CCZ1: variants seen among roughly 807,000 people sequenced by gnomAD.
CCZ1 encodes vacuolar fusion protein CCZ1 homolog.
A neutral mutation model predicts 57.8 loss-of-function variants in CCZ1; 19 were observed. The observed-to-expected ratio is 0.33, with a 90% CI of 0.23 to 0.48. The LOEUF (loss-of-function observed/expected upper bound fraction) is 0.48. CCZ1 is among the 20% of genes least tolerant of loss of function. The pLI, the probability that CCZ1 is intolerant of heterozygous loss-of-function variation, is 0.99. For missense variants in CCZ1, 200 were observed against 492.0 expected, an observed-to-expected ratio of 0.41 and a Z score of 5.61; for synonymous variants, 81 against 167.0, an observed-to-expected ratio of 0.49 and a Z score of 3.97.
chr7:5,921,078 A>G, intron 12 of CCZ1, among the ~76,000 whole-genome samples: 1 of 96,868 alleles, frequency 1.0e-5, no homozygotes, highest in Admixed American at 9.8e-5. Context: ...CAGCCTCCTG[A>G]GTAGCTGGGT....
At chr7:5,903,000 C>T (rs1176677669) in intron 6 of CCZ1, among the ~76,000 whole-genome samples, 1 of 148,222 alleles carries the variant, frequency 6.7e-6, no homozygotes, top group Non-Finnish European at 1.5e-5. Context: ...CTGGAGACAT[C>T]GTTTGGCCTC....
At chr7:5,921,237 A>G (rs945530493) in intron 12 of CCZ1, among the ~76,000 whole-genome samples, 4 of 130,998 alleles carry the variant, frequency 3.1e-5, no homozygotes, top group Admixed American at 1.5e-4. Context: ...CCCATATGTT[A>G]TTTCTGCATG....
At chr7:5,916,505 GTTTTTTTT>G (rs113216947) in intron 10 of CCZ1, among the ~76,000 whole-genome samples, 15 of 43,358 alleles carry the variant, frequency 3.5e-4, no homozygotes, top group African/African-American at 6.7e-4. Context: ...TTTGTTTTTT[GTTTTTTTT>G]TTTTTTGGTT....
chr7:5,913,370 G>A (rs1335788924), intron 10 of CCZ1, among the ~76,000 whole-genome samples: 9 of 123,590 alleles, frequency 7.3e-5, no homozygotes, highest in Admixed American at 2.5e-4. Context: ...GTCAGGACAT[G>A]GTCTTGTAAG....
At chr7:5,909,054 T>C (rs1160180889) in intron 7 of CCZ1, among the ~76,000 whole-genome samples, 3 of 144,692 alleles carry the variant, frequency 2.1e-5, no homozygotes, top group East Asian at 4.6e-4. Context: ...GCTTTGGAGG[T>C]TTCCTGCATA....
chr7:5,918,575 G>A (rs1779181636), intron 10 of CCZ1: 1 of 407,524 alleles, frequency 2.5e-6, no homozygotes, highest in Admixed American at 3.8e-5. Flanking sequence ...ATGTTGTGTT[G>A]TCGGGTTTGC....
chr7:5,920,655 A>G (rs1779221948), intron 12 of CCZ1, among the ~76,000 whole-genome samples: 1 of 141,246 alleles, frequency 7.1e-6, no homozygotes, highest in African/African-American at 2.6e-5. Flanking sequence ...TATTTTTAGT[A>G]GAGACGGGGT....
chr7:5,914,831 A>ATG (rs1779117736), intron 10 of CCZ1, among the ~76,000 whole-genome samples: 5 of 142,786 alleles, frequency 3.5e-5, no homozygotes, highest in Admixed American at 2.8e-4. Context: ...AGCTGAGCTT[A>ATG]CGCCACTGTG....
intron 10 of CCZ1, among the ~76,000 whole-genome samples, chr7:5,916,504 T>TTTTG (rs1562544363): frequency 1.3e-4 from 1 of 7,752 alleles, no homozygotes; most frequent in African/African-American, 5.0e-4. Flanking sequence ...TTTTGTTTTT[T>TTTTG]GTTTTTTTTT....
chr7:5,903,855 C>A (rs1175995229), intron 6 of CCZ1, among the ~76,000 whole-genome samples: 21 of 145,252 alleles, frequency 1.4e-4, no homozygotes, highest in African/African-American at 5.2e-4. Flanking sequence ...ACTAGCTGGG[C>A]GTGGTGGCGC....
rs376390954 is a variant in CCZ1 at position 5,914,597 on chromosome 7, A to G, written c.954+1643A>G. Among the ~76,000 whole-genome samples, 28 of 149,156 alleles carry G rather than the reference A, an allele frequency of 1.9e-4. 5 individuals are homozygous for G. Among genetic ancestry groups the G allele is most frequent in the East Asian group, 4.4e-4 (2 of 4,532 alleles). On this transcript the variant is annotated intron_variant, in intron 10 of 14. Transcript: ENST00000325974. ...ATAAGACAAAAGAAAGACATTAGCC[A>G]GGGCATGGTGGCTCATGCCTATATC...
intron 12 of CCZ1, among the ~76,000 whole-genome samples, chr7:5,920,711 A>G (rs1779222633): frequency 7.3e-6 from 1 of 137,440 alleles, no homozygotes; most frequent in African/African-American, 2.7e-5. Context: ...ACCTCAAGTG[A>G]TCCACCTGCC....
rs529772863 is a variant in CCZ1, at chr7:5,900,132, A to G, written c.121-152A>G. On this transcript the variant is annotated intron_variant, in intron 1 of 14. Transcript: ENST00000325974. ...TCCCGCCTCAGCCTCTGAAAATACT[A>G]GGATTACAATTCCTGTTTTTCTAAA... 220 of 932,260 alleles carry G rather than the reference A, an allele frequency of 2.4e-4. 1 individual carries two copies. The African/African-American group carries it at 3.5e-3, about 15-fold the overall frequency. The allele number at this position is 932,260 out of a possible 1,614,324, so 57.7% of individuals were successfully genotyped here.
intron 10 of CCZ1, among the ~76,000 whole-genome samples, chr7:5,915,579 G>A (rs147226060): frequency 6.0e-5 from 9 of 151,196 alleles, no homozygotes; most frequent in Admixed American, 5.3e-4. Context: ...ACTCACCCTC[G>A]TACACTTAAA....
chr7:5,922,756 TTACA>T (rs1194670476), intron 12 of CCZ1, among the ~76,000 whole-genome samples: 2 of 149,350 alleles, frequency 1.3e-5, no homozygotes, highest in Admixed American at 6.7e-5. Context: ...GAAAGCTTCG[TTACA>T]TAGTGTCGTA....
In CCZ1 at chr7:5,909,082, A is replaced by G. The variant is rs1439318920; in HGVS notation, c.699-953A>G. The stretch of plus-strand genomic sequence containing the variant: ...CCTGCATAATCCTACACGGAATTCA[A>G]CCAGCGAGTCCAATCCCTTGTGACT... On this transcript the variant is annotated intron_variant, in intron 7 of 14. Transcript: ENST00000325974. Among the ~76,000 whole-genome samples, 4 of 141,144 alleles carry G rather than the reference A, an allele frequency of 2.8e-5. 1 individual carries two copies. The highest frequency in any genetic ancestry group is 6.1e-5 in the Non-Finnish European group (4 of 66,052). 92.6% of individuals were successfully genotyped at this position (141,144 alleles called of 152,430 possible). A position where few individuals can be genotyped will look rare whatever the true frequency, so the allele number is the denominator to read the frequency against.
At position 5,911,098 on chromosome 7, in the gene CCZ1, T is replaced by C. The variant is rs537943836; in HGVS notation, c.781-763T>C. Among the ~76,000 whole-genome samples the C allele has an allele frequency of 4.0e-5, 6 of 149,118 alleles. No homozygotes were observed. In the South Asian group the frequency reaches 1.3e-3, roughly 33 times the overall value. ...AAAATGCCAGTGATCTTTAAAACAA[T>C]CGACTTGTGTAGTCTTTTCCTCTAT... On this transcript the variant is annotated intron_variant, in intron 8 of 14. Transcript: ENST00000325974.
chr7:5,923,058 C>T (rs1411234769), intron 12 of CCZ1, among the ~76,000 whole-genome samples: 1 of 128,390 alleles, frequency 7.8e-6, no homozygotes, highest in Non-Finnish European at 1.6e-5. Flanking sequence ...GGGGCTCACG[C>T]CTGTAATCCC....
In CCZ1 at chr7:5,925,802, C is replaced by G. The variant is rs1240428207; in HGVS notation, c.*115C>G. 63 of 1,482,632 alleles carry G rather than the reference C, an allele frequency of 4.2e-5. No homozygotes were observed. Among genetic ancestry groups the G allele is most frequent in the Non-Finnish European group, 5.6e-5 (59 of 1,058,742 alleles). 91.8% of individuals were successfully genotyped at this position (1,482,632 alleles called of 1,614,324 possible). A position where few individuals can be genotyped will look rare whatever the true frequency, so the allele number is the denominator to read the frequency against. ...CAGGACAAGGGTAAAGCAATACTTG[C>G]TTTGAAGAATCACATTTCGACTCGG... On this transcript the variant is annotated 3_prime_UTR_variant, in exon 15 of 15. Transcript: ENST00000325974.
Sources: allele counts gnomAD v4.1 joint callset (sites outside exome capture counted in the v4.1 genomes callset), GRCh38; gene constraint gnomAD v4.1.1; transcripts MANE v1.5; gene names NCBI Gene and HGNC (gene_info 2026-07-23, HGNC 2026-07-21).